The following SRPK2 variants were observed in gnomAD, a reference collection of about 807,000 sequenced individuals.
SRPK2 encodes SRSF protein kinase 2.
SRPK2 carries 21 observed loss-of-function variants against 90.8 expected under a neutral mutation model. The observed-to-expected ratio is 0.23, with a 90% confidence interval of 0.16 to 0.33. The LOEUF (loss-of-function observed/expected upper bound fraction) is 0.33, where lower values mean the gene tolerates loss of function less well. Among genes scored for constraint, SRPK2 ranks in the 10% least tolerant of loss-of-function variants. SRPK2 has a pLI of 1.00. For missense variants in SRPK2, 620 were observed against 869.0 expected (o/e 0.71, Z 3.60); for synonymous variants, 288 against 311.1 (o/e 0.93, Z 0.78).
chr7:105,360,073 G>A (rs1190538185), intron 2 of SRPK2, among the ~76,000 whole-genome samples: 1 of 152,166 alleles, frequency 6.6e-6, no homozygotes, highest in African/African-American at 2.4e-5. Context: ...TGTATTGGGT[G>A]CATACAGATT....
intron 2 of SRPK2, 146 bp from the exon 3 acceptor site, chr7:105,203,931 A>T (rs1179490785): frequency 9.5e-7 from 1 of 1,057,724 alleles, no homozygotes; most frequent in African/African-American, 1.7e-5. Flanking sequence ...CACCCATTTT[A>T]GTTGAATTCA....
At chr7:105,360,186 G>A (rs1483374893) in intron 2 of SRPK2, among the ~76,000 whole-genome samples, 2 of 152,068 alleles carry the variant, frequency 1.3e-5, no homozygotes, top group African/African-American at 4.8e-5. Context: ...TGTTTTATCA[G>A]AGACTAGGAT....
chr7:105,240,018 T>C (rs1429752336), intron 2 of SRPK2, among the ~76,000 whole-genome samples: 1 of 152,168 alleles, frequency 6.6e-6, no homozygotes, highest in Non-Finnish European at 1.5e-5. Flanking sequence ...GGGCACAACA[T>C]AAAAGGTCTT....
intron 2 of SRPK2, among the ~76,000 whole-genome samples, chr7:105,236,418 T>C (rs959806600): frequency 6.6e-6 from 1 of 152,200 alleles, no homozygotes; most frequent in Non-Finnish European, 1.5e-5. Context: ...GCAGTGATTT[T>C]TCTTTCTTGG....
intron 2 of SRPK2, among the ~76,000 whole-genome samples, chr7:105,222,572 G>C (rs1231458568): frequency 6.6e-6 from 1 of 152,164 alleles, no homozygotes; most frequent in Admixed American, 6.5e-5. Context: ...GCCTACTTTA[G>C]TATCTACTCT....
At chr7:105,362,900 A>T (rs1200164660) in intron 2 of SRPK2, among the ~76,000 whole-genome samples, 2 of 152,206 alleles carry the variant, frequency 1.3e-5, no homozygotes, top group South Asian at 4.1e-4. Context: ...AGGGACATGG[A>T]TGAAGCTGGA....
intron 3 of SRPK2, among the ~76,000 whole-genome samples, chr7:105,171,891 A>G (rs1791201812): frequency 1.3e-5 from 2 of 151,990 alleles, no homozygotes; most frequent in South Asian, 4.1e-4. Context: ...ACAGTTATTT[A>G]TTTATTTATT....
In SRPK2 at chr7:105,170,938, AG is replaced by A. The variant is rs1563026320; in HGVS notation, c.230-1674del. 2.3e-3 allele frequency among the ~76,000 whole-genome samples: 83 copies of A among 36,378 alleles called. 3 individuals are homozygous for A. Among genetic ancestry groups the A allele is most frequent in the African/African-American group, 7.2e-3 (83 of 11,450 alleles). 23.9% of individuals were successfully genotyped at this position (36,378 alleles called of 152,430 possible). ...AAGGAGAAAGAAAAAGAAAAAGGAA[AG>A]AAAGAAAGAAAGAAAGAAAGAAAGA... On this transcript the variant is annotated intron_variant, in intron 3 of 15. Transcript: ENST00000393651.
intron 2 of SRPK2, among the ~76,000 whole-genome samples, chr7:105,372,847 G>T (rs1819853058): frequency 6.6e-6 from 1 of 152,188 alleles, no homozygotes; most frequent in Admixed American, 6.6e-5. Context: ...CCAGCACCTT[G>T]AGAGGCCAAG....
chr7:105,394,230 C>T (rs886208372), upstream of SRPK2, among the ~76,000 whole-genome samples: 2 of 151,412 alleles, frequency 1.3e-5, no homozygotes, highest in African/African-American at 4.9e-5. Context: ...GCAACCTCTG[C>T]CTCCCGGGTT....
chr7:105,131,392 TCATTGGC>T (rs1801980456), intron 13 of SRPK2, among the ~76,000 whole-genome samples: 2 of 152,226 alleles, frequency 1.3e-5, no homozygotes, highest in Admixed American at 1.3e-4. Flanking sequence ...AAAGTGACCA[TCATTGGC>T]CACCGGTTCT....
chr7:105,220,145 G>T (rs1265121709), intron 2 of SRPK2, among the ~76,000 whole-genome samples: 1 of 152,260 alleles, frequency 6.6e-6, no homozygotes, highest in East Asian at 1.9e-4. Context: ...TAAACATAGG[G>T]AAAAATAATG....
At chr7:105,393,096 T>C (rs1822225034), upstream of SRPK2, among the ~76,000 whole-genome samples, 1 of 151,620 alleles carries the variant, frequency 6.6e-6, no homozygotes, top group South Asian at 2.1e-4. Flanking sequence ...CAGGCTCAAG[T>C]GATTCTCCTG....
chr7:105,254,485 T>C (rs1021024409), intron 2 of SRPK2, among the ~76,000 whole-genome samples: 3 of 152,194 alleles, frequency 2.0e-5, no homozygotes, highest in Non-Finnish European at 4.4e-5. Flanking sequence ...ATTATGTACA[T>C]CCATCCATAT....
intron 2 of SRPK2, chr7:105,306,339 T>C (rs1263712584): frequency 1.4e-5 from 5 of 354,946 alleles, no homozygotes; most frequent in Non-Finnish European, 1.6e-5. Context: ...CTGAATACCA[T>C]AGTTTCAGAA....
At chr7:105,262,507 T>C (rs1804443637) in intron 2 of SRPK2, among the ~76,000 whole-genome samples, 1 of 152,174 alleles carries the variant, frequency 6.6e-6, no homozygotes, top group East Asian at 1.9e-4. Context: ...CCAAGCATCT[T>C]CTTTATATAT....
intron 2 of SRPK2, among the ~76,000 whole-genome samples, chr7:105,250,931 G>C (rs1230043041): frequency 6.6e-6 from 1 of 152,156 alleles, no homozygotes; most frequent in Non-Finnish European, 1.5e-5. Context: ...TCAGGAGCTA[G>C]AGGTACTGCC....
chr7:105,210,225 A>G (rs1796687180), intron 2 of SRPK2, among the ~76,000 whole-genome samples: 1 of 152,242 alleles, frequency 6.6e-6, no homozygotes, highest in African/African-American at 2.4e-5. Flanking sequence ...CAATTTAAGA[A>G]ATACAGTTCA....
At chr7:105,385,240 G>A (rs1273878617) in intron 2 of SRPK2, among the ~76,000 whole-genome samples, 1 of 141,214 alleles carries the variant, frequency 7.1e-6, no homozygotes, top group Non-Finnish European at 1.5e-5. Flanking sequence ...GAGTGCAGTG[G>A]CACAATCCCG....
Sources: gnomAD v4.1 joint callset for allele counts (sites outside exome capture counted in the v4.1 genomes callset) on GRCh38, gnomAD v4.1.1 for gene constraint, MANE v1.5 for transcripts, NCBI Gene and HGNC (gene_info 2026-07-23, HGNC 2026-07-21) for gene names.